Variants in TPR observed in about 807,000 individuals in gnomAD.
TPR encodes translocated promoter region, nuclear basket protein, also known as nucleoprotein TPR.
In TPR, 51 loss-of-function variants were observed where a neutral mutation model predicts 316.1. The observed-to-expected ratio is 0.16, with a 90% CI of 0.13 to 0.20. TPR has a LOEUF of 0.20. Among genes scored for constraint, TPR ranks in the 10% least tolerant of loss-of-function variants. The pLI is 1.00. For synonymous variants in TPR, 981 were observed against 914.7 expected (o/e 1.07, Z -1.31); for missense variants, 2,272 against 2,754.8 (o/e 0.82, Z 3.92).
intron 49 of TPR, among the ~76,000 whole-genome samples, chr1:186,315,399 G>C (rs541801522): frequency 6.6e-6 from 1 of 152,086 alleles, no homozygotes; most frequent in East Asian, 1.9e-4. Context: ...GCCTACAACA[G>C]AACACAAATT....
intron 32 of TPR, 76 bp from the exon 33 acceptor site, chr1:186,336,770 T>C: frequency 6.9e-7 from 1 of 1,453,878 alleles, no homozygotes; most frequent in Non-Finnish European, 9.3e-7. Context: ...CAACTTAAAG[T>C]ATAACTTATT....
intron 29 of TPR, 66 bp from the exon 30 acceptor site, chr1:186,339,838 T>G: frequency 1.5e-6 from 2 of 1,353,040 alleles, no homozygotes; most frequent in Non-Finnish European, 2.0e-6. Context: ...TATAATAAAA[T>G]GGCAGAATAT....
Position 186,341,175 on chromosome 1 carries a change from A to G in TPR, c.3889-16T>C. 1 of 1,612,990 alleles carries G rather than the reference A, an allele frequency of 6.2e-7. No individual in the cohort carries two copies. The highest frequency in any genetic ancestry group is 8.5e-7 in the Non-Finnish European group (1 of 1,179,778). On this transcript the variant is annotated splice_polypyrimidine_tract_variant and intron_variant, in intron 28 of 50. Coordinates refer to ENST00000367478, the MANE Select transcript of TPR (RefSeq NM_003292.3). ...GTTTCCTCACCTGAAAATCATGCCA[A>G]TATTTAACAACAAATGTAAAAATTC... is the stretch of plus-strand genomic sequence containing the variant.
intron 3 of TPR, among the ~76,000 whole-genome samples, chr1:186,369,612 T>C (rs1659457923): frequency 6.6e-6 from 1 of 152,178 alleles, no homozygotes. Context: ...ATTGTATAAA[T>C]TCACTTATTA....
At chr1:186,323,268 G>A (rs1185022576) in intron 43 of TPR, among the ~76,000 whole-genome samples, 1 of 152,038 alleles carries the variant, frequency 6.6e-6, no homozygotes, top group African/African-American at 2.4e-5. Context: ...TGATTACCAA[G>A]AAATGAGAAA....
At chr1:186,322,747 G>C in intron 43 of TPR, 161 bp from the exon 44 acceptor site, 1 of 657,504 alleles carries the variant, frequency 1.5e-6, no homozygotes, top group Non-Finnish European at 2.6e-6. Flanking sequence ...AATCACTTTT[G>C]TCAATGACAA....
Position 186,355,391 on chromosome 1 carries a change from G to T in TPR, c.2171+19C>A. 6.3e-7 allele frequency: 1 copy of T among 1,596,322 alleles called. No individual in the cohort carries two copies. Among genetic ancestry groups the T allele is most frequent in the South Asian group, 1.1e-5 (1 of 87,138 alleles). On this transcript the variant is annotated intron_variant, in intron 17 of 50. Coordinates refer to ENST00000367478, the MANE Select transcript of TPR (RefSeq NM_003292.3). ...TATAACATTTAGACTTAATTAATTT[G>T]AAACAAAAGAAAACTTACCGTTTAG...
At chr1:186,371,623 A>G (rs1659528465) in intron 2 of TPR, among the ~76,000 whole-genome samples, 1 of 152,164 alleles carries the variant, frequency 6.6e-6, no homozygotes, top group African/African-American at 2.4e-5. Context: ...TAACTAGAAA[A>G]AATATAATTT....
chr1:186,355,370 A>C, intron 17 of TPR, 40 bp downstream of exon 17: 1 of 1,570,110 alleles, frequency 6.4e-7, no homozygotes, highest in Non-Finnish European at 8.6e-7. Context: ...GTAAAGTATA[A>C]CATTTAGACT....
intron 12 of TPR, among the ~76,000 whole-genome samples, 193 bp from the exon 13 acceptor site, chr1:186,358,843 A>G (rs1332626102): frequency 1.3e-5 from 2 of 152,186 alleles, no homozygotes. Flanking sequence ...GACAATAACA[A>G]GCTTCAGGTA....
At chr1:186,335,039 T>C in intron 35 of TPR, 29 bp downstream of exon 35, 1 of 1,601,802 alleles carries the variant, frequency 6.2e-7, no homozygotes. Context: ...AAAAGAAAAA[T>C]AACAGACTAT....
chr1:186,331,653 C>G (rs1658170176), intron 38 of TPR, 72 bp from the exon 39 acceptor site: 1 of 1,004,444 alleles, frequency 1.0e-6, no homozygotes. Flanking sequence ...TTTGTTAGTT[C>G]TCTCATTTGA....
At chr1:186,326,729 A>G (rs959178318) in intron 40 of TPR, among the ~76,000 whole-genome samples, 2 of 151,208 alleles carry the variant, frequency 1.3e-5, no homozygotes, top group Non-Finnish European at 2.9e-5. Flanking sequence ...AAGAGGAAAC[A>G]AAAACAATTC....
At chr1:186,365,704 G>A (rs539701050) in intron 4 of TPR, among the ~76,000 whole-genome samples, 1 of 152,330 alleles carries the variant, frequency 6.6e-6, no homozygotes, top group African/African-American at 2.4e-5. Flanking sequence ...CATCAAGGCT[G>A]AAATAATAAA....
intron 35 of TPR, among the ~76,000 whole-genome samples, chr1:186,334,859 T>C (rs1385898453): frequency 6.6e-6 from 1 of 152,150 alleles, no homozygotes; most frequent in Admixed American, 6.6e-5. Context: ...AGAGACGTTT[T>C]CTCTGTCACA....
chr1:186,322,710 A>C, intron 43 of TPR, 124 bp from the exon 44 acceptor site: 1 of 937,138 alleles, frequency 1.1e-6, no homozygotes, highest in Admixed American at 2.4e-5. Context: ...GGTAATTAGG[A>C]CATTTTCCCA....
intron 27 of TPR, chr1:186,342,418 G>A (rs1448842708): frequency 2.0e-5 from 3 of 152,122 alleles, no homozygotes; most frequent in Non-Finnish European, 2.9e-5. Context: ...AAAATGAAGC[G>A]GAAAAGACTG....
At chr1:186,324,363 T>C (rs1657856092) in intron 42 of TPR, among the ~76,000 whole-genome samples, 1 of 152,170 alleles carries the variant, frequency 6.6e-6, no homozygotes, top group African/African-American at 2.4e-5. Context: ...TCAAAAAGGA[T>C]AAAGACAGAG....
intron 30 of TPR, among the ~76,000 whole-genome samples, chr1:186,339,178 C>G (rs1230537387): frequency 6.6e-6 from 1 of 151,932 alleles, no homozygotes; most frequent in Non-Finnish European, 1.5e-5. Context: ...GCCTGTAATC[C>G]CAGCACTTAG....
Sources: allele counts gnomAD v4.1 joint callset (sites outside exome capture counted in the v4.1 genomes callset), GRCh38; gene constraint gnomAD v4.1.1; transcripts MANE v1.5; gene names NCBI Gene and HGNC (gene_info 2026-07-23, HGNC 2026-07-21).